The following GRIP1 variants were observed in gnomAD, a reference collection of about 807,000 sequenced individuals.
The protein encoded by GRIP1 is glutamate receptor-interacting protein 1.
Under a neutral mutation model 129.9 loss-of-function variants are expected in GRIP1, and 45 were observed. That is an observed-to-expected ratio of 0.35 (90% CI 0.27 to 0.44). The LOEUF (loss-of-function observed/expected upper bound fraction) is 0.44, where lower values mean the gene tolerates loss of function less well. Ranked by LOEUF, GRIP1 falls within the 20% of genes least tolerant of loss-of-function variation. The pLI is 1.00. For synonymous variants in GRIP1, 530 were observed against 520.8 expected, an observed-to-expected ratio of 1.02 and a Z score of -0.24; for missense variants, 1,196 against 1,396.8, an observed-to-expected ratio of 0.86 and a Z score of 2.29.
rs551924091 is a variant in GRIP1, at chr12:66,370,846, G to C, written c.3012+848C>G. Reference sequence around the variant, plus strand: ...GCAAGAGTGGGTTTTGTTCCATGTAGCAAAGTGAGGCAACTATGACAATTA... The same window carrying C: ...GCAAGAGTGGGTTTTGTTCCATGTACCAAAGTGAGGCAACTATGACAATTA... On this transcript the variant is annotated intron_variant, in intron 23 of 24. Coordinates refer to ENST00000359742, the MANE Select transcript of GRIP1 (RefSeq NM_001366722.1). Among the ~76,000 whole-genome samples, 3 of 152,260 alleles carry C rather than the reference G, an allele frequency of 2.0e-5. No individual in the cohort carries two copies. In the South Asian group the frequency reaches 6.2e-4, roughly 32 times the overall value.
intron 2 of GRIP1, among the ~76,000 whole-genome samples, chr12:66,550,000 T>C (rs2062072862): frequency 6.6e-6 from 1 of 152,122 alleles, no homozygotes; most frequent in Non-Finnish European, 1.5e-5. Flanking sequence ...TGAACAGAGA[T>C]GTTGACTGTT....
In GRIP1 at chr12:66,564,398, T is replaced by C. The variant is rs551426798; in HGVS notation, c.137-22448A>G. 3.3e-5 allele frequency among the ~76,000 whole-genome samples: 5 copies of C among 151,748 alleles called. No homozygotes were observed. In the East Asian group the frequency reaches 5.9e-4, roughly 18 times the overall value. On this transcript the variant is annotated intron_variant, in intron 2 of 24. Coordinates refer to ENST00000359742, the MANE Select transcript of GRIP1 (RefSeq NM_001366722.1). ...AGTGTTTGGTTTTCTGTCCTTGTGA[T>C]AGTTTGCTCAGAATGATGGTTTCCA...
chr12:66,579,095 G>A (rs925022293), intron 2 of GRIP1, among the ~76,000 whole-genome samples: 5 of 152,108 alleles, frequency 3.3e-5, no homozygotes, highest in Middle Eastern at 3.2e-3. Context: ...CAGCATTCAC[G>A]GTTCACGAAA....
At chr12:66,977,034 C>T (rs11176511) in intron 1 of GRIP1, among the ~76,000 whole-genome samples, 1,576 of 152,184 alleles carry the variant, frequency 0.01, 11 homozygotes, top group Admixed American at 0.017. Flanking sequence ...TTTGAACACA[C>T]TTATATGATT....
At chr12:66,993,113 C>CAAAA (rs34149423) in intron 1 of GRIP1, among the ~76,000 whole-genome samples, 4 of 144,694 alleles carry the variant, frequency 2.8e-5, no homozygotes, top group African/African-American at 7.7e-5. Context: ...GACCCTGTCT[C>CAAAA]AAAAAAAAAA....
chr12:66,542,724 TGAGTA>T (rs1412637782), intron 2 of GRIP1, among the ~76,000 whole-genome samples: 4 of 152,192 alleles, frequency 2.6e-5, no homozygotes, highest in Non-Finnish European at 4.4e-5. Context: ...AAAATAAAAA[TGAGTA>T]GAGTCAATAT....
intron 1 of GRIP1, among the ~76,000 whole-genome samples, chr12:66,972,847 T>G (rs930998328): frequency 3.9e-5 from 6 of 152,182 alleles, no homozygotes; most frequent in Non-Finnish European, 7.3e-5. Flanking sequence ...TACATGCAAA[T>G]CTGTTGTGTA....
At chr12:66,494,365 A>G (rs1406720912) in intron 7 of GRIP1, among the ~76,000 whole-genome samples, 1 of 152,156 alleles carries the variant, frequency 6.6e-6, no homozygotes, top group Non-Finnish European at 1.5e-5. Context: ...AGAATATATA[A>G]AGTCACATTC....
intron 7 of GRIP1, among the ~76,000 whole-genome samples, chr12:66,487,314 G>C (rs1592415150): frequency 1.3e-5 from 2 of 152,252 alleles, no homozygotes; most frequent in East Asian, 3.9e-4. Context: ...AAGAGATTGG[G>C]GGCCAATATT....
intron 1 of GRIP1, among the ~76,000 whole-genome samples, chr12:66,743,617 T>G (rs1245856280): frequency 6.6e-6 from 1 of 151,884 alleles, no homozygotes; most frequent in Non-Finnish European, 1.5e-5. Context: ...TGTGTGGCCA[T>G]GCACTCAACC....
intron 2 of GRIP1, among the ~76,000 whole-genome samples, chr12:66,548,673 C>A (rs1020015884): frequency 1.3e-5 from 2 of 152,086 alleles, no homozygotes; most frequent in Admixed American, 1.3e-4. Flanking sequence ...ATGTGGGAAG[C>A]ATGGAAGTGA....
chr12:66,830,072 C>T (rs2039489632), intron 1 of GRIP1, among the ~76,000 whole-genome samples: 1 of 152,096 alleles, frequency 6.6e-6, no homozygotes, highest in South Asian at 2.1e-4. Context: ...TATACTAGAA[C>T]AATAATCACA....
intron 4 of GRIP1, among the ~76,000 whole-genome samples, chr12:66,532,773 T>TCAC (rs368400767): frequency 3.8e-4 from 58 of 151,582 alleles, no homozygotes; most frequent in East Asian, 3.3e-3. Context: ...CTCCTCCACT[T>TCAC]CACCACCACC....
chr12:66,407,897 C>G (rs2057252116), intron 15 of GRIP1, among the ~76,000 whole-genome samples: 1 of 152,148 alleles, frequency 6.6e-6, no homozygotes, highest in African/African-American at 2.4e-5. Context: ...CACCCCTCCC[C>G]TAGCCCTACA....
intron 1 of GRIP1, among the ~76,000 whole-genome samples, chr12:66,811,195 A>G (rs1213389127): frequency 2.0e-5 from 3 of 152,212 alleles, no homozygotes. Context: ...ATTTTTTTCT[A>G]CTTTTTTTCT....
Position 66,463,077 on chromosome 12 carries a change from C to T in GRIP1, c.889G>A (p.Val297Met). 1 of 1,613,992 alleles carries T rather than the reference C, an allele frequency of 6.2e-7. No homozygotes were observed. Among genetic ancestry groups the T allele is most frequent in the Non-Finnish European group, 8.5e-7 (1 of 1,179,908 alleles). ...SIADRCGALHVGDHILSIDGT... is the reference protein window; with the variant it reads ...SIADRCGALHMGDHILSIDGT... ...TCGATGGAGAGGATGTGATCTCCCA[C>T]ATGCAATGCGCCACATCTACGGAAA... Residue 297 changes from valine (V) to methionine (M), a missense_variant, in exon 9 of 25, where the codon GTG becomes ATG. By Grantham distance (21) the Val-to-Met change is conservative (BLOSUM62 1). This residue lies in a region of GRIP1 where 508 missense variants were observed against 587.0 expected (regional missense o/e 0.87). Transcript: ENST00000359742.
At chr12:66,647,080 T>C (rs2032430090) in intron 1 of GRIP1, among the ~76,000 whole-genome samples, 1 of 152,246 alleles carries the variant, frequency 6.6e-6, no homozygotes, top group Admixed American at 6.5e-5. Flanking sequence ...GAACTCCAGC[T>C]GTGGATTCTG....
At chr12:66,842,992 G>C (rs2039748536) in intron 1 of GRIP1, among the ~76,000 whole-genome samples, 1 of 152,080 alleles carries the variant, frequency 6.6e-6, no homozygotes, top group Non-Finnish European at 1.5e-5. Context: ...ATCTGTATTT[G>C]AAAAGAGATT....
chr12:66,682,733 T>C (rs768373448), upstream of GRIP1, among the ~76,000 whole-genome samples: 4 of 152,166 alleles, frequency 2.6e-5, no homozygotes, highest in Non-Finnish European at 4.4e-5. Flanking sequence ...AAAAATGTTC[T>C]GCCATATGCC....
Sources: allele counts gnomAD v4.1 joint callset (sites outside exome capture counted in the v4.1 genomes callset), GRCh38; gene constraint gnomAD v4.1.1; regional missense constraint gnomAD v4.1.1; transcripts MANE v1.5; gene names NCBI Gene and HGNC (gene_info 2026-07-23, HGNC 2026-07-21).